Variants in CEP112 observed in about 807,000 individuals in gnomAD.
CEP112 encodes the protein centrosomal protein 112.
Under a neutral mutation model 153.0 loss-of-function variants are expected in CEP112, and 127 were observed. The observed-to-expected ratio is 0.83, with a 90% confidence interval of 0.72 to 0.96. CEP112 has a LOEUF of 0.96. CEP112 is among the 40% of genes least tolerant of loss of function. The pLI is 0.00. For synonymous variants in CEP112, 358 were observed against 374.4 expected, an observed-to-expected ratio of 0.96 and a Z score of 0.51; for missense variants, 1,089 against 1,101.2, an observed-to-expected ratio of 0.99 and a Z score of 0.16.
At chr17:66,067,159 C>T (rs2067154734) in intron 9 of CEP112, among the ~76,000 whole-genome samples, 1 of 152,076 alleles carries the variant, frequency 6.6e-6, no homozygotes. Flanking sequence ...GTCAGAAGTT[C>T]ACGTTTTGCT....
intron 4 of CEP112, among the ~76,000 whole-genome samples, chr17:66,161,077 A>G (rs893380893): frequency 1.3e-5 from 2 of 152,190 alleles, no homozygotes; most frequent in Admixed American, 6.5e-5. Context: ...CAAACATACG[A>G]AAAAAAGCTC....
At chr17:65,687,602 T>G (rs2047879513) in intron 24 of CEP112, among the ~76,000 whole-genome samples, 1 of 152,238 alleles carries the variant, frequency 6.6e-6, no homozygotes, top group Non-Finnish European at 1.5e-5. Flanking sequence ...TGTACATACA[T>G]ATGTGATATA....
At chr17:65,644,052 A>G (rs2045298400) in intron 24 of CEP112, among the ~76,000 whole-genome samples, 1 of 152,146 alleles carries the variant, frequency 6.6e-6, no homozygotes, top group Non-Finnish European at 1.5e-5. Flanking sequence ...CTTGGTGTCA[A>G]TGATGGTGAC....
At chr17:65,908,951 C>T (rs1349586129) in intron 19 of CEP112, among the ~76,000 whole-genome samples, 1 of 152,150 alleles carries the variant, frequency 6.6e-6, no homozygotes, top group Admixed American at 6.5e-5. Flanking sequence ...ACATACAAGT[C>T]CCTAGGGATC....
intron 20 of CEP112, among the ~76,000 whole-genome samples, chr17:65,860,814 T>G (rs1348468391): frequency 6.6e-6 from 1 of 152,222 alleles, no homozygotes; most frequent in Non-Finnish European, 1.5e-5. Flanking sequence ...TGAATGTTCA[T>G]AGCAGCAATT....
At chr17:66,141,912 G>C (rs2070718732) in intron 4 of CEP112, among the ~76,000 whole-genome samples, 1 of 152,106 alleles carries the variant, frequency 6.6e-6, no homozygotes, top group African/African-American at 2.4e-5. Context: ...GGATTTGCTG[G>C]ATCATAAGGT....
chr17:66,121,689 T>A (rs967120937), intron 6 of CEP112, among the ~76,000 whole-genome samples: 5 of 151,900 alleles, frequency 3.3e-5, no homozygotes, highest in African/African-American at 4.8e-5. Flanking sequence ...ATAATTTCCA[T>A]CTGTTTTTTT....
intron 23 of CEP112, among the ~76,000 whole-genome samples, chr17:65,718,424 A>T (rs569068643): frequency 1.7e-3 from 253 of 151,770 alleles, no homozygotes; most frequent in Admixed American, 2.6e-3. Context: ...AAAAAAAAAA[A>T]TTTACTATTT....
intron 17 of CEP112, among the ~76,000 whole-genome samples, chr17:65,971,386 T>C (rs188261955): frequency 8.0e-4 from 62 of 77,792 alleles, no homozygotes; most frequent in African/African-American, 2.1e-3. Flanking sequence ...GTACATTGCA[T>C]GTATATAGCA....
intron 24 of CEP112, among the ~76,000 whole-genome samples, chr17:65,659,965 G>A (rs913325947): frequency 1.3e-5 from 2 of 152,252 alleles, no homozygotes; most frequent in African/African-American, 4.8e-5. Flanking sequence ...GAAAGGGCAG[G>A]AAGCATAGAG....
chr17:66,130,733 G>A (rs527786858), intron 5 of CEP112, among the ~76,000 whole-genome samples: 115 of 135,644 alleles, frequency 8.5e-4, no homozygotes, highest in African/African-American at 2.8e-3. Flanking sequence ...CCAAGATCAC[G>A]CCACTGCACT....
At chr17:65,638,056 G>A (rs1307432435) in intron 25 of CEP112, among the ~76,000 whole-genome samples, 1 of 152,148 alleles carries the variant, frequency 6.6e-6, no homozygotes, top group African/African-American at 2.4e-5. Flanking sequence ...TGTGAAATGG[G>A]ATTAATGACA....
At chr17:65,874,594 G>A (rs967549316) in intron 20 of CEP112, among the ~76,000 whole-genome samples, 3 of 151,996 alleles carry the variant, frequency 2.0e-5, no homozygotes, top group Non-Finnish European at 4.4e-5. Context: ...ATTAAAGCCT[G>A]TAATTTTGCT....
chr17:66,155,734 G>C (rs1381935819), intron 4 of CEP112, among the ~76,000 whole-genome samples: 1 of 152,192 alleles, frequency 6.6e-6, no homozygotes, highest in Non-Finnish European at 1.5e-5. Context: ...CCATTACTGA[G>C]GCTTGAGTAG....
At position 65,902,275 on chromosome 17, in the gene CEP112, G is replaced by GT. The variant is rs2059898050; in HGVS notation, c.2039dup (p.Asn680LysfsTer6). 6.8e-6 allele frequency: 11 copies of GT among 1,613,818 alleles called. No individual in the cohort carries two copies. Among genetic ancestry groups the GT allele is most frequent in the Non-Finnish European group, 9.3e-6 (11 of 1,179,946 alleles). The stretch of plus-strand genomic sequence containing the variant: ...CTCGGACTAGGCTATCCTTCTCTGC[G>GT]TTATGCTGCTGTAATAGGTGCGTCT... On this transcript the variant is annotated frameshift_variant, in exon 20 of 27. Coordinates refer to ENST00000535342, the MANE Select transcript of CEP112 (RefSeq NM_001199165.4). LOFTEE classifies it high-confidence loss of function.
chr17:65,960,021 G>A (rs2062142683), intron 18 of CEP112, among the ~76,000 whole-genome samples: 1 of 152,134 alleles, frequency 6.6e-6, no homozygotes, highest in South Asian at 2.1e-4. Flanking sequence ...GTAACACAGG[G>A]CTCAATCCTC....
intron 20 of CEP112, among the ~76,000 whole-genome samples, chr17:65,895,315 G>A (rs1194483981): frequency 1.3e-5 from 2 of 150,814 alleles, no homozygotes; most frequent in African/African-American, 2.4e-5. Context: ...CTTGGCACAT[G>A]GAAAGCACAC....
At chr17:65,919,071 A>G (rs2060603840) in intron 19 of CEP112, among the ~76,000 whole-genome samples, 1 of 152,234 alleles carries the variant, frequency 6.6e-6, no homozygotes, top group Non-Finnish European at 1.5e-5. Context: ...AAGTACTCTC[A>G]GCAGCAGTGA....
intron 23 of CEP112, among the ~76,000 whole-genome samples, chr17:65,724,555 G>A (rs1350363753): frequency 1.3e-5 from 2 of 152,070 alleles, no homozygotes; most frequent in Non-Finnish European, 2.9e-5. Context: ...TCTCTCAGTA[G>A]CATATAACTA....
Sources: gnomAD v4.1 joint callset for allele counts (sites outside exome capture counted in the v4.1 genomes callset) on GRCh38, gnomAD v4.1.1 for gene constraint, MANE v1.5 for transcripts, NCBI Gene and HGNC (gene_info 2026-07-23, HGNC 2026-07-21) for gene names.